ST6GALNAC3: variants seen among roughly 807,000 people sequenced by gnomAD.
ST6GALNAC3 encodes ST6 N-acetylgalactosaminide alpha-2,6-sialyltransferase 3.
ST6GALNAC3 carries 25 observed loss-of-function variants against 32.7 expected under a neutral mutation model. That is an observed-to-expected ratio of 0.76 (90% confidence interval 0.56 to 1.07). The LOEUF is 1.07. Among genes scored for constraint, ST6GALNAC3 ranks in the 50% least tolerant of loss-of-function variants. ST6GALNAC3 has a pLI of 0.00. For synonymous variants in ST6GALNAC3, 129 were observed against 133.1 expected, an observed-to-expected ratio of 0.97 and a Z score of 0.21; for missense variants, 355 against 382.4, an observed-to-expected ratio of 0.93 and a Z score of 0.60.
chr1:76,522,133 A>G (rs565526161), intron 3 of ST6GALNAC3, among the ~76,000 whole-genome samples: 41 of 149,536 alleles, frequency 2.7e-4, no homozygotes, highest in Middle Eastern at 3.5e-3. Context: ...GGCTTATATC[A>G]TTTCTACTGA....
rs574577024 is a variant in ST6GALNAC3, at chr1:76,595,917, G to GGA, written c.624-31532_624-31531dup. ...TTATGAAGAAGTTGTTCTCAGGCCT[G>GGA]GAGACATGATTAGAACCAGCTGGGG... is the stretch of plus-strand genomic sequence containing the variant. On this transcript the variant is annotated intron_variant, in intron 3 of 4. Transcript: ENST00000328299. Among the ~76,000 whole-genome samples, 101 of 152,172 alleles carry GGA rather than the reference G, an allele frequency of 6.6e-4. No homozygotes were observed. In the South Asian group the frequency reaches 0.021, roughly 31 times the overall value.
At chr1:76,441,088 CAAAAAA>C (rs397980569) in intron 3 of ST6GALNAC3, among the ~76,000 whole-genome samples, 4 of 90,264 alleles carry the variant, frequency 4.4e-5, no homozygotes, top group African/African-American at 1.4e-4. Context: ...ACTATGTCTC[CAAAAAA>C]AAAAAAAAAA....
At chr1:76,131,363 C>A (rs1649599038) in intron 1 of ST6GALNAC3, among the ~76,000 whole-genome samples, 1 of 152,166 alleles carries the variant, frequency 6.6e-6, no homozygotes, top group Non-Finnish European at 1.5e-5. Context: ...CAAGCCCTAC[C>A]CATTGCTGAC....
At chr1:76,225,994 G>T (rs1258965050) in intron 1 of ST6GALNAC3, among the ~76,000 whole-genome samples, 2 of 152,106 alleles carry the variant, frequency 1.3e-5, no homozygotes, top group African/African-American at 4.8e-5. Flanking sequence ...GGTTAATAAA[G>T]TCTTCTCTCT....
intron 3 of ST6GALNAC3, among the ~76,000 whole-genome samples, chr1:76,488,514 C>A (rs1450258510): frequency 1.3e-5 from 2 of 152,182 alleles, no homozygotes; most frequent in East Asian, 1.9e-4. Context: ...TGGTAACTAA[C>A]AACATGAAAA....
intron 1 of ST6GALNAC3, among the ~76,000 whole-genome samples, chr1:76,272,172 A>T (rs1347055680): frequency 6.6e-6 from 1 of 151,884 alleles, no homozygotes; most frequent in Admixed American, 6.6e-5. Flanking sequence ...CTAAAAATAC[A>T]AAAATCAGCT....
intron 1 of ST6GALNAC3, among the ~76,000 whole-genome samples, chr1:76,146,163 C>T (rs760105700): frequency 2.6e-5 from 4 of 152,188 alleles, no homozygotes; most frequent in Non-Finnish European, 5.9e-5. Flanking sequence ...CTTTACGTTC[C>T]CAGACTGATT....
chr1:76,578,102 T>A (rs1294842882), intron 3 of ST6GALNAC3, among the ~76,000 whole-genome samples: 1 of 152,048 alleles, frequency 6.6e-6, no homozygotes, highest in African/African-American at 2.4e-5. Flanking sequence ...CCATTTGAAG[T>A]GGTGGAAATT....
chr1:76,247,202 T>C (rs894196886), intron 1 of ST6GALNAC3, among the ~76,000 whole-genome samples: 1 of 152,182 alleles, frequency 6.6e-6, no homozygotes, highest in Non-Finnish European at 1.5e-5. Context: ...ACCAGGCTAA[T>C]GCTAGCCGGA....
intron 3 of ST6GALNAC3, among the ~76,000 whole-genome samples, chr1:76,477,247 A>AC (rs1659412741): frequency 6.6e-6 from 1 of 151,692 alleles, no homozygotes; most frequent in Non-Finnish European, 1.5e-5. Flanking sequence ...TTTGGTGAAT[A>AC]CCATATTATG....
chr1:76,189,553 G>A (rs1428052378), intron 1 of ST6GALNAC3, among the ~76,000 whole-genome samples: 2 of 150,852 alleles, frequency 1.3e-5, no homozygotes, highest in African/African-American at 4.8e-5. Flanking sequence ...GCCCTTTGAT[G>A]AATAGAGAGT....
At chr1:76,089,975 A>G (rs17660966) in intron 1 of ST6GALNAC3, among the ~76,000 whole-genome samples, 11,516 of 152,232 alleles carry the variant, frequency 0.076, 598 homozygotes, top group Middle Eastern at 0.19. Flanking sequence ...AGGTAAGAGT[A>G]AGTTAGAGTG....
At chr1:76,295,052 A>G (rs1441952672) in intron 1 of ST6GALNAC3, among the ~76,000 whole-genome samples, 2 of 151,900 alleles carry the variant, frequency 1.3e-5, no homozygotes, top group East Asian at 3.9e-4. Flanking sequence ...TGCTGGGCAA[A>G]GGAAGAGCTC....
intron 1 of ST6GALNAC3, among the ~76,000 whole-genome samples, chr1:76,155,747 G>A (rs535992011): frequency 3.9e-5 from 6 of 152,136 alleles, no homozygotes; most frequent in South Asian, 4.1e-4. Context: ...AAAGTGCTGG[G>A]ATTACAGGTG....
chr1:76,312,050 CAT>C (rs1052268976), intron 1 of ST6GALNAC3, among the ~76,000 whole-genome samples: 30 of 152,096 alleles, frequency 2.0e-4, no homozygotes, highest in East Asian at 1.9e-4. Context: ...ACCTTTTTTT[CAT>C]ATGTTTGTTG....
intron 3 of ST6GALNAC3, among the ~76,000 whole-genome samples, chr1:76,483,533 G>A (rs1329494314): frequency 6.6e-6 from 1 of 152,158 alleles, no homozygotes; most frequent in Non-Finnish European, 1.5e-5. Context: ...CTTTTGAGAA[G>A]TGTCTGTTCA....
intron 1 of ST6GALNAC3, among the ~76,000 whole-genome samples, chr1:76,306,206 A>C (rs1047869497): frequency 2.0e-5 from 3 of 152,076 alleles, no homozygotes; most frequent in Non-Finnish European, 4.4e-5. Flanking sequence ...TACAGGGTGC[A>C]CTTGGTTAGC....
chr1:76,182,202 A>G (rs1653227019), intron 1 of ST6GALNAC3, among the ~76,000 whole-genome samples: 1 of 152,210 alleles, frequency 6.6e-6, no homozygotes, highest in Non-Finnish European at 1.5e-5. Context: ...ATTACTCCAC[A>G]GGTTTTCAAA....
chr1:76,526,960 T>C (rs1321807823), intron 3 of ST6GALNAC3, among the ~76,000 whole-genome samples: 1 of 152,066 alleles, frequency 6.6e-6, no homozygotes, highest in East Asian at 1.9e-4. Context: ...AGTGAACTCA[T>C]GGGGTTGAGA....
Sources: gnomAD v4.1 joint callset for allele counts (sites outside exome capture counted in the v4.1 genomes callset) on GRCh38, gnomAD v4.1.1 for gene constraint, MANE v1.5 for transcripts, NCBI Gene and HGNC (gene_info 2026-07-23, HGNC 2026-07-21) for gene names.